The following FSTL5 variants were observed in gnomAD, a reference collection of about 807,000 sequenced individuals.
The protein encoded by FSTL5 is follistatin-related protein 5.
Under a neutral mutation model 89.1 loss-of-function variants are expected in FSTL5, and 62 were observed. The observed-to-expected ratio is 0.70, with a 90% CI of 0.57 to 0.86. FSTL5 has a LOEUF of 0.86. FSTL5 is among the 40% of genes least tolerant of loss of function. FSTL5 has a pLI of 0.00. For missense variants in FSTL5, 1,057 were observed against 1,001.6 expected (o/e 1.06, Z -0.75); for synonymous variants, 383 against 346.2 (o/e 1.11, Z -1.18).
At chr4:161,737,588 GA>G (rs1381240550) in intron 6 of FSTL5, among the ~76,000 whole-genome samples, 1 of 151,986 alleles carries the variant, frequency 6.6e-6, no homozygotes, top group Non-Finnish European at 1.5e-5. Flanking sequence ...GCACAAGTAT[GA>G]AGTAGCTCTC....
intron 12 of FSTL5, among the ~76,000 whole-genome samples, chr4:161,485,861 G>T (rs1318424071): frequency 1.3e-5 from 2 of 152,122 alleles, no homozygotes. Flanking sequence ...AATGAGGCCG[G>T]GCGCAGCAGC....
chr4:161,946,599 A>G (rs1734740370), intron 3 of FSTL5, among the ~76,000 whole-genome samples: 1 of 152,154 alleles, frequency 6.6e-6, no homozygotes, highest in Non-Finnish European at 1.5e-5. Flanking sequence ...CATGGTGAGC[A>G]TTATTCCATT....
At position 161,992,864 on chromosome 4, in the gene FSTL5, ATATATATATATATAT is replaced by A. The variant is rs1736157827; in HGVS notation, c.160+40746_160+40760del. ...CTCCATCTCAAAAAAAAAAAAAAAT[ATATATATATATATAT>A]ATATATATATATATATATGTGTGTG... On this transcript the variant is annotated intron_variant, in intron 3 of 15. Coordinates refer to ENST00000306100, the MANE Select transcript of FSTL5 (RefSeq NM_020116.5). Among the ~76,000 whole-genome samples, 87 of 65,580 alleles carry A rather than the reference ATATATATATATATAT, an allele frequency of 1.3e-3. 1 individual carries two copies. Among genetic ancestry groups the A allele is most frequent in the African/African-American group, 5.0e-3 (78 of 15,522 alleles). 43.0% of individuals were successfully genotyped at this position (65,580 alleles called of 152,430 possible). A position where few individuals can be genotyped will look rare whatever the true frequency, so the allele number is the denominator to read the frequency against.
At chr4:161,460,890 A>G (rs765060415) in intron 13 of FSTL5, among the ~76,000 whole-genome samples, 3 of 151,118 alleles carry the variant, frequency 2.0e-5, no homozygotes, top group Non-Finnish European at 2.9e-5. Context: ...TTTCCTTTTG[A>G]CTGATATTGA....
intron 6 of FSTL5, among the ~76,000 whole-genome samples, chr4:161,684,814 C>T (rs1226831151): frequency 6.6e-6 from 1 of 151,874 alleles, no homozygotes; most frequent in African/African-American, 2.4e-5. Context: ...TTTGCTTGGT[C>T]ATGAAATCCT....
intron 8 of FSTL5, among the ~76,000 whole-genome samples, chr4:161,576,435 G>A (rs1350466462): frequency 6.6e-6 from 1 of 152,196 alleles, no homozygotes; most frequent in Non-Finnish European, 1.5e-5. Context: ...CAAGGCTACA[G>A]TAACCAAAAC....
chr4:161,982,063 T>C (rs1257336106), intron 3 of FSTL5, among the ~76,000 whole-genome samples: 1 of 152,226 alleles, frequency 6.6e-6, no homozygotes, highest in African/African-American at 2.4e-5. Context: ...CAATTTGTTA[T>C]GCTTCTGGCT....
At chr4:161,853,421 C>A (rs1483700102) in intron 4 of FSTL5, among the ~76,000 whole-genome samples, 1 of 152,246 alleles carries the variant, frequency 6.6e-6, no homozygotes, top group East Asian at 1.9e-4. Context: ...GCACCTGCCA[C>A]TACACCCAGC....
At chr4:161,454,546 CA>C (rs1320531960) in intron 15 of FSTL5, among the ~76,000 whole-genome samples, 3 of 152,020 alleles carry the variant, frequency 2.0e-5, no homozygotes, top group Non-Finnish European at 2.9e-5. Context: ...ACAATATGAT[CA>C]AAAAATGATG....
intron 13 of FSTL5, among the ~76,000 whole-genome samples, chr4:161,476,487 C>T (rs1487867548): frequency 6.6e-6 from 1 of 152,052 alleles, no homozygotes; most frequent in African/African-American, 2.4e-5. Context: ...TATACATGCC[C>T]AGCCACTGCT....
chr4:161,893,894 A>G (rs370082989), intron 4 of FSTL5, among the ~76,000 whole-genome samples: 15 of 152,198 alleles, frequency 9.9e-5, no homozygotes, highest in African/African-American at 3.1e-4. Context: ...AAATATTTTC[A>G]TTGCATTTCA....
At chr4:161,442,231 C>G (rs1732798569) in intron 15 of FSTL5, among the ~76,000 whole-genome samples, 1 of 150,082 alleles carries the variant, frequency 6.7e-6, no homozygotes, top group South Asian at 2.1e-4. Context: ...TGCTCAAATA[C>G]ACTCTTTAAA....
At chr4:161,902,226 T>C (rs890148911) in intron 4 of FSTL5, among the ~76,000 whole-genome samples, 1 of 152,206 alleles carries the variant, frequency 6.6e-6, no homozygotes, top group Admixed American at 6.5e-5. Flanking sequence ...TGTAAATTTA[T>C]ATTATACCTA....
intron 6 of FSTL5, among the ~76,000 whole-genome samples, chr4:161,710,306 A>T (rs1301769271): frequency 6.6e-6 from 1 of 152,182 alleles, no homozygotes; most frequent in African/African-American, 2.4e-5. Context: ...TATACTTTTT[A>T]GAATATTACA....
chr4:161,991,552 A>G (rs141064217), intron 3 of FSTL5, among the ~76,000 whole-genome samples: 189 of 152,258 alleles, frequency 1.2e-3, no homozygotes, highest in Middle Eastern at 3.4e-3. Flanking sequence ...AAAACTCATG[A>G]GTTTCAACTG....
At chr4:161,573,412 C>CA (rs59381258) in intron 8 of FSTL5, among the ~76,000 whole-genome samples, 7,613 of 119,356 alleles carry the variant, frequency 0.064, 373 homozygotes, top group East Asian at 0.28. Flanking sequence ...AAAACCCTGT[C>CA]AAAAAAAAAA....
chr4:162,152,539 G>C (rs1733269913), intron 1 of FSTL5, among the ~76,000 whole-genome samples: 1 of 151,782 alleles, frequency 6.6e-6, no homozygotes, highest in Non-Finnish European at 1.5e-5. Flanking sequence ...CACACTATTT[G>C]AATAAACAAA....
intron 2 of FSTL5, among the ~76,000 whole-genome samples, chr4:162,053,292 T>G (rs540267034): frequency 6.6e-6 from 1 of 151,774 alleles, no homozygotes; most frequent in African/African-American, 2.4e-5. Flanking sequence ...GTATGTCCTC[T>G]TAAGGGTTGC....
At chr4:161,611,760 A>G (rs931810755) in intron 7 of FSTL5, among the ~76,000 whole-genome samples, 1 of 152,220 alleles carries the variant, frequency 6.6e-6, no homozygotes, top group Non-Finnish European at 1.5e-5. Flanking sequence ...AGGTCTCTCT[A>G]TCAGGAGGTA....
Sources: allele counts gnomAD v4.1 joint callset (sites outside exome capture counted in the v4.1 genomes callset), GRCh38; gene constraint gnomAD v4.1.1; transcripts MANE v1.5; gene names NCBI Gene and HGNC (gene_info 2026-07-23, HGNC 2026-07-21).